The following POU3F3 variants were observed in gnomAD, a reference collection of about 807,000 sequenced individuals.
The protein encoded by POU3F3 is POU domain, class 3, transcription factor 3.
A neutral mutation model predicts 8.6 loss-of-function variants in POU3F3; 1 was observed. That is an observed-to-expected ratio of 0.12 (90% CI 0.04 to 0.55). POU3F3 has a LOEUF of 0.55. Among genes scored for constraint, POU3F3 ranks in the 20% least tolerant of loss-of-function variants. POU3F3 has a pLI of 0.91. For synonymous variants in POU3F3, 418 were observed against 327.4 expected, an observed-to-expected ratio of 1.28 and a Z score of -2.99; for missense variants, 577 against 690.7, an observed-to-expected ratio of 0.84 and a Z score of 1.84.
the POU3F3 span, among the ~76,000 whole-genome samples, chr2:104,914,533 G>A: frequency 4.6e-5 from 7 of 152,128 alleles, no homozygotes; most frequent in Non-Finnish European, 1.0e-4. Context: ...AACCCTCTTG[G>A]ACCTGATGTC....
chr2:104,880,709 G>T, the POU3F3 span, among the ~76,000 whole-genome samples: 1 of 152,052 alleles, frequency 6.6e-6, no homozygotes, highest in Non-Finnish European at 1.5e-5. Context: ...AAAGGTCAGG[G>T]TGTGTTTTGT....
At chr2:104,873,874 T>A in the POU3F3 span, among the ~76,000 whole-genome samples, 2 of 152,226 alleles carry the variant, frequency 1.3e-5, no homozygotes, top group East Asian at 3.9e-4. Flanking sequence ...CAGCCTTGCA[T>A]GCCTTCGGGC....
the POU3F3 span, among the ~76,000 whole-genome samples, chr2:104,881,108 T>C: frequency 1.3e-5 from 2 of 149,564 alleles, no homozygotes; most frequent in African/African-American, 4.9e-5. Flanking sequence ...TTCTCTTTCT[T>C]TCTTTATTTC....
chr2:104,877,890 T>C, the POU3F3 span, among the ~76,000 whole-genome samples: 103 of 152,096 alleles, frequency 6.8e-4, no homozygotes, highest in African/African-American at 2.2e-3. Flanking sequence ...TCTCCTGACC[T>C]CATGATCCGT....
downstream of POU3F3, among the ~76,000 whole-genome samples, chr2:104,861,529 A>G (rs1676654881): frequency 6.6e-6 from 1 of 152,218 alleles, no homozygotes; most frequent in Admixed American, 6.5e-5. Flanking sequence ...ACGTTGGGAA[A>G]GGGAGTTGTA....
At chr2:104,883,630 G>C in the POU3F3 span, among the ~76,000 whole-genome samples, 116 of 152,316 alleles carry the variant, frequency 7.6e-4, 1 homozygote, top group African/African-American at 2.5e-3. Context: ...TCTAACAAGT[G>C]CAATTCCCGA....
the POU3F3 span, among the ~76,000 whole-genome samples, chr2:104,871,883 G>A: frequency 6.6e-6 from 1 of 152,162 alleles, no homozygotes; most frequent in East Asian, 1.9e-4. Context: ...GTGGAATCCA[G>A]TATCTGGGCA....
chr2:104,903,331 T>C, the POU3F3 span, among the ~76,000 whole-genome samples: 4 of 152,334 alleles, frequency 2.6e-5, no homozygotes, highest in Admixed American at 1.3e-4. Context: ...TGCATACCAA[T>C]TGGTACAAAG....
chr2:104,875,181 G>A, the POU3F3 span, among the ~76,000 whole-genome samples: 1 of 151,990 alleles, frequency 6.6e-6, no homozygotes, highest in Non-Finnish European at 1.5e-5. Flanking sequence ...TCCCTTTTAG[G>A]GCTGAATAAG....
At position 104,856,098 on chromosome 2, in the gene POU3F3, AGCCGCCGCCGCCGCC is replaced by A; in HGVS notation, c.597_611del (p.Ala200_Ala204del). The stretch of plus-strand genomic sequence containing the variant: ...GGGCGGCCGCCGCTGCCGCAGCCGC[AGCCGCCGCCGCCGCC>A]GCCGCCGCGCACCTCCCGTCCATGG... On this transcript the variant is annotated inframe_deletion, in exon 1 of 1. Transcript: ENST00000361360. 9.6e-7 allele frequency: 1 copy of A among 1,041,530 alleles called. No individual in the cohort carries two copies. Among genetic ancestry groups the A allele is most frequent in the Non-Finnish European group, 1.1e-6 (1 of 875,330 alleles). 64.5% of individuals were successfully genotyped at this position (1,041,530 alleles called of 1,614,324 possible).
the POU3F3 span, among the ~76,000 whole-genome samples, chr2:104,912,783 C>T: frequency 1.3e-5 from 2 of 152,264 alleles, no homozygotes; most frequent in African/African-American, 4.8e-5. Flanking sequence ...GTGAGCAGCC[C>T]CGTGTGACCC....
the POU3F3 span, among the ~76,000 whole-genome samples, chr2:104,900,629 G>A: frequency 1.3e-5 from 2 of 152,122 alleles, no homozygotes; most frequent in Admixed American, 6.5e-5. Flanking sequence ...TAGGTAACAC[G>A]TAAACCATAC....
the POU3F3 span, among the ~76,000 whole-genome samples, chr2:104,894,167 C>A: frequency 2.0e-5 from 3 of 152,332 alleles, no homozygotes; most frequent in South Asian, 6.2e-4. Context: ...GTGAAAGTCT[C>A]TGTGAGGATC....
At chr2:104,874,668 G>T in the POU3F3 span, among the ~76,000 whole-genome samples, 1 of 152,280 alleles carries the variant, frequency 6.6e-6, no homozygotes, top group Middle Eastern at 3.4e-3. Context: ...GAAGATGATA[G>T]ATCTCACCAG....
At chr2:104,892,336 A>T in the POU3F3 span, among the ~76,000 whole-genome samples, 2 of 152,196 alleles carry the variant, frequency 1.3e-5, no homozygotes, top group Non-Finnish European at 2.9e-5. Context: ...AGGCTTATTC[A>T]CTTCATTAGT....
In POU3F3 at chr2:104,856,578, G is replaced by T; in HGVS notation, c.1068G>T (p.Ser356=). 3 of 1,614,144 alleles carry T rather than the reference G, an allele frequency of 1.9e-6. No homozygotes were observed. The highest frequency in any genetic ancestry group is 2.5e-6 in the Non-Finnish European group (3 of 1,180,032). Reference sequence around the variant, plus strand: ...GCACACTCTACGGCAACGTGTTCTCGCAGACCACCATCTGCCGCTTCGAGG... The same window carrying T: ...GCACACTCTACGGCAACGTGTTCTCTCAGACCACCATCTGCCGCTTCGAGG... ...ALGTLYGNVF[S]QTTICRFEAL... is the part of the protein sequence containing the mutation. Residue 356 remains serine (S), a synonymous_variant, in exon 1 of 1, where the codon TCG becomes TCT. Coordinates refer to ENST00000361360, the MANE Select transcript of POU3F3 (RefSeq NM_006236.3).
the POU3F3 span, among the ~76,000 whole-genome samples, chr2:104,897,047 T>C: frequency 6.6e-6 from 1 of 152,174 alleles, no homozygotes; most frequent in African/African-American, 2.4e-5. Flanking sequence ...CTTGAAAGCT[T>C]ACGGTTAAAA....
chr2:104,863,879 C>A, the POU3F3 span, among the ~76,000 whole-genome samples: 1 of 152,200 alleles, frequency 6.6e-6, no homozygotes, highest in Admixed American at 6.5e-5. Context: ...GGGAAGACAC[C>A]GAGGTCTAGG....
chr2:104,891,133 G>A, the POU3F3 span, among the ~76,000 whole-genome samples: 3 of 152,046 alleles, frequency 2.0e-5, no homozygotes, highest in East Asian at 3.9e-4. Flanking sequence ...CAAGCAACCG[G>A]CACCACACCT....
Sources: allele counts gnomAD v4.1 joint callset (sites outside exome capture counted in the v4.1 genomes callset), GRCh38; gene constraint gnomAD v4.1.1; transcripts MANE v1.5; gene names NCBI Gene and HGNC (gene_info 2026-07-23, HGNC 2026-07-21).